PTPRR: variants seen among roughly 807,000 people sequenced by gnomAD.
PTPRR encodes receptor-type tyrosine-protein phosphatase R.
PTPRR carries 38 observed loss-of-function variants against 77.2 expected under a neutral mutation model. The observed-to-expected ratio is 0.49, with a 90% CI of 0.38 to 0.65. The LOEUF (loss-of-function observed/expected upper bound fraction) is 0.65. Ranked by LOEUF, PTPRR falls within the 30% of genes least tolerant of loss-of-function variation. The probability of loss-of-function intolerance (pLI) is 0.00; values close to 1 mark genes in which losing one functional copy is unlikely to be tolerated. For synonymous variants in PTPRR, 299 were observed against 283.1 expected, an observed-to-expected ratio of 1.06 and a Z score of -0.57; for missense variants, 744 against 799.2, an observed-to-expected ratio of 0.93 and a Z score of 0.83.
chr12:70,666,945 T>G (rs1184465278), intron 10 of PTPRR, among the ~76,000 whole-genome samples: 10 of 78,080 alleles, frequency 1.3e-4, no homozygotes, highest in Non-Finnish European at 7.7e-5. Context: ...GTTTTTTTTT[T>G]TTTTTTTTTT....
intron 2 of PTPRR, among the ~76,000 whole-genome samples, chr12:70,819,397 G>A (rs1274114367): frequency 1.3e-5 from 2 of 152,162 alleles, no homozygotes; most frequent in African/African-American, 4.8e-5. Flanking sequence ...GGCTTCATAT[G>A]TTTTGCAAAG....
At chr12:70,665,711 T>C (rs1243901521) in intron 10 of PTPRR, among the ~76,000 whole-genome samples, 2 of 152,026 alleles carry the variant, frequency 1.3e-5, no homozygotes, top group Non-Finnish European at 2.9e-5. Flanking sequence ...ATCTTTTTTC[T>C]TCCCTTGATT....
chr12:70,696,772 T>C (rs201623575), intron 8 of PTPRR, among the ~76,000 whole-genome samples: 248 of 152,256 alleles, frequency 1.6e-3, no homozygotes, highest in Non-Finnish European at 2.6e-3. Context: ...TCATTCTCCA[T>C]ATCCCCTAAT....
In PTPRR at chr12:70,839,870, G is replaced by A. The variant is rs112818866; in HGVS notation, c.357+52809C>T. ...TTAGAACCAGATAAAACTACTAGTCGTTCAAAACCAAAGTGCCTATGCTGT... is the reference window on the plus strand; with the variant it reads ...TTAGAACCAGATAAAACTACTAGTCATTCAAAACCAAAGTGCCTATGCTGT... On this transcript the variant is annotated intron_variant, in intron 2 of 13. Coordinates refer to ENST00000283228, the MANE Select transcript of PTPRR (RefSeq NM_002849.4). Among the ~76,000 whole-genome samples, 374 of 152,202 alleles carry A rather than the reference G, an allele frequency of 2.5e-3. 3 individuals are homozygous for A. Among genetic ancestry groups the A allele is most frequent in the African/African-American group, 2.7e-3 (111 of 41,530 alleles).
chr12:70,682,674 T>G (rs988941607), intron 10 of PTPRR, among the ~76,000 whole-genome samples: 2 of 152,188 alleles, frequency 1.3e-5, no homozygotes, highest in African/African-American at 4.8e-5. Flanking sequence ...ATACAGAGAA[T>G]ACACCTCTTA....
At chr12:70,836,454 C>T (rs1180713010) in intron 2 of PTPRR, among the ~76,000 whole-genome samples, 2 of 151,974 alleles carry the variant, frequency 1.3e-5, no homozygotes, top group East Asian at 1.9e-4. Flanking sequence ...AATTTTGCTG[C>T]ACTTCTGCAG....
rs189056847 is a variant in PTPRR at position 70,863,368 on chromosome 12, G to A, written c.357+29311C>T. On this transcript the variant is annotated intron_variant, in intron 2 of 13. Transcript: ENST00000283228. Reference sequence around the variant, plus strand: ...CCAGTTTGCAATTAAGATTCAAAAAGCCAAGTCCTGATGAGCAAGGAAGTC... The same window carrying A: ...CCAGTTTGCAATTAAGATTCAAAAAACCAAGTCCTGATGAGCAAGGAAGTC... Among the ~76,000 whole-genome samples the A allele has an allele frequency of 7.0e-4, 107 of 152,166 alleles. No homozygotes were observed. In the East Asian group the frequency reaches 0.02, roughly 29 times the overall value.
intron 1 of PTPRR, among the ~76,000 whole-genome samples, chr12:70,912,690 AT>A (rs1893717474): frequency 6.6e-6 from 1 of 152,196 alleles, no homozygotes; most frequent in African/African-American, 2.4e-5. Context: ...GTCATTATGA[AT>A]AAAAATGATT....
intron 10 of PTPRR, among the ~76,000 whole-genome samples, chr12:70,670,262 A>G (rs748393272): frequency 6.6e-6 from 1 of 152,166 alleles, no homozygotes; most frequent in Admixed American, 6.5e-5. Context: ...TCAGGGTCTT[A>G]TTGCTCTTTG....
intron 13 of PTPRR, among the ~76,000 whole-genome samples, chr12:70,651,132 T>C (rs568543071): frequency 6.6e-6 from 1 of 152,326 alleles, no homozygotes; most frequent in Non-Finnish European, 1.5e-5. Context: ...CATGAGCTTA[T>C]CTAACAGTCT....
At chr12:70,675,063 G>T (rs1566060310) in intron 10 of PTPRR, among the ~76,000 whole-genome samples, 1 of 151,888 alleles carries the variant, frequency 6.6e-6, no homozygotes, top group Non-Finnish European at 1.5e-5. Context: ...TTTATCTCTG[G>T]TAACCTCTCT....
intron 2 of PTPRR, among the ~76,000 whole-genome samples, chr12:70,825,171 G>A (rs996250130): frequency 1.4e-4 from 22 of 152,188 alleles, no homozygotes; most frequent in African/African-American, 5.1e-4. Flanking sequence ...CCAACTACTC[G>A]GGAGGCTGAG....
chr12:70,819,441 T>C (rs1469936685), intron 2 of PTPRR, among the ~76,000 whole-genome samples: 3 of 152,198 alleles, frequency 2.0e-5, no homozygotes, highest in Admixed American at 1.3e-4. Flanking sequence ...GGAGTCAAAA[T>C]TACAAATCAA....
At chr12:70,868,143 C>T (rs1892891464) in intron 2 of PTPRR, among the ~76,000 whole-genome samples, 1 of 151,840 alleles carries the variant, frequency 6.6e-6, no homozygotes. Context: ...ACTTCATGTC[C>T]AAAACACAAA....
intron 6 of PTPRR, among the ~76,000 whole-genome samples, chr12:70,716,336 TAAAA>T (rs66838692): frequency 1.4e-5 from 2 of 141,568 alleles, no homozygotes; most frequent in Admixed American, 1.4e-4. Flanking sequence ...GTCTTCTAAG[TAAAA>T]AAAAAAAAAA....
intron 1 of PTPRR, among the ~76,000 whole-genome samples, chr12:70,901,597 C>T (rs1477982753): frequency 6.6e-6 from 1 of 151,576 alleles, no homozygotes; most frequent in African/African-American, 2.4e-5. Flanking sequence ...TCACTTTATA[C>T]AAAAATCAAC....
chr12:70,724,973 T>C (rs564739971), intron 6 of PTPRR, among the ~76,000 whole-genome samples: 103 of 152,296 alleles, frequency 6.8e-4, no homozygotes, highest in African/African-American at 2.3e-3. Context: ...ATTAAAAATA[T>C]TAATAAGGGC....
chr12:70,769,905 G>A (rs1332943877), intron 2 of PTPRR, among the ~76,000 whole-genome samples: 1 of 152,078 alleles, frequency 6.6e-6, no homozygotes, highest in Non-Finnish European at 1.5e-5. Context: ...AACAAGCAAT[G>A]GGGAAAGATT....
intron 2 of PTPRR, among the ~76,000 whole-genome samples, chr12:70,856,848 GGAGA>G (rs140876613): frequency 1.2e-4 from 18 of 148,258 alleles, no homozygotes; most frequent in Non-Finnish European, 1.9e-4. Flanking sequence ...GGAGAGAGGG[GGAGA>G]GAGAGAGAGA....
Sources: allele counts gnomAD v4.1 joint callset (sites outside exome capture counted in the v4.1 genomes callset), GRCh38; gene constraint gnomAD v4.1.1; transcripts MANE v1.5; gene names NCBI Gene and HGNC (gene_info 2026-07-23, HGNC 2026-07-21).